The following CSNK2A1 variants were observed in gnomAD, a reference collection of about 807,000 sequenced individuals.
CSNK2A1 encodes the protein casein kinase 2 alpha 1, also known as casein kinase II subunit alpha.
Under a neutral mutation model 62.9 loss-of-function variants are expected in CSNK2A1, and 10 were observed. That is an observed-to-expected ratio of 0.16 (90% CI 0.10 to 0.27). CSNK2A1 has a LOEUF of 0.27. Among genes scored for constraint, CSNK2A1 ranks in the 10% least tolerant of loss-of-function variants. CSNK2A1 has a pLI of 1.00. For synonymous variants in CSNK2A1, 124 were observed against 167.8 expected, an observed-to-expected ratio of 0.74 and a Z score of 2.02; for missense variants, 160 against 492.0, an observed-to-expected ratio of 0.33 and a Z score of 6.38.
At chr20:518,484 C>T (rs1255835400) in intron 2 of CSNK2A1, among the ~76,000 whole-genome samples, 1 of 152,184 alleles carries the variant, frequency 6.6e-6, no homozygotes, top group East Asian at 1.9e-4. Flanking sequence ...GCAAGCTCTC[C>T]ATGGAGGAAA....
Position 505,103 on chromosome 20 carries a change from A to G in CSNK2A1, c.213+15T>C, listed in dbSNP as rs371927255. ...CTATATTCCAAATACCTCTGAAATT[A>G]TCTCTTGTACTCACCTTGAGAATTT... On this transcript the variant is annotated intron_variant, in intron 4 of 13. Coordinates refer to ENST00000217244, the MANE Select transcript of CSNK2A1 (RefSeq NM_177559.3). 3.1e-6 allele frequency: 5 copies of G among 1,588,662 alleles called. No individual in the cohort carries two copies. In the African/African-American group the frequency reaches 4.1e-5, roughly 13 times the overall value.
intron 10 of CSNK2A1, 27 bp from the exon 11 acceptor site, chr20:488,805 A>G (rs372072408): frequency 2.7e-4 from 420 of 1,566,208 alleles, no homozygotes; most frequent in Non-Finnish European, 3.6e-4. Flanking sequence ...ACAAAAACCC[A>G]TATCACAAGC....
At chr20:524,323 C>G (rs902347522) in intron 2 of CSNK2A1, among the ~76,000 whole-genome samples, 1 of 147,728 alleles carries the variant, frequency 6.8e-6, no homozygotes, top group Non-Finnish European at 1.5e-5. Flanking sequence ...CTCTTAGAGG[C>G]TGAGGCAGGG....
intron 1 of CSNK2A1, 190 bp downstream of exon 1, chr20:543,482 G>T (rs2019497786): frequency 1.0e-5 from 4 of 385,352 alleles, no homozygotes; most frequent in Non-Finnish European, 1.8e-5. Context: ...CCTCCGCCCT[G>T]AGGGGTGGCC....
At chr20:527,278 A>C in intron 2 of CSNK2A1, among the ~76,000 whole-genome samples, 1 of 152,246 alleles carries the variant, frequency 6.6e-6, no homozygotes, top group Admixed American at 6.5e-5. Flanking sequence ...CAGGGAGAAA[A>C]AACAAAAACT....
intron 7 of CSNK2A1, among the ~76,000 whole-genome samples, chr20:497,365 C>A (rs1377049058): frequency 6.6e-6 from 1 of 152,108 alleles, no homozygotes; most frequent in Non-Finnish European, 1.5e-5. Flanking sequence ...TCAGGCTGGT[C>A]TTGATCTCCT....
chr20:486,395 G>A lies in CSNK2A1; in HGVS notation c.1041C>T (p.Ser347=), dbSNP rs147882429. The A allele has an allele frequency of 6.2e-7, 1 of 1,613,608 alleles. No individual in the cohort carries two copies. The highest frequency in any genetic ancestry group is 8.5e-7 in the Non-Finnish European group (1 of 1,179,898). ...ACTGACCTGACATCATATTGGCGCT[G>A]CTGACGGGCGTACTGCCCCCTGGCA... is the stretch of plus-strand genomic sequence containing the variant. ...SSMPGGSTPV[S]SANMMSGISS... The change falls in exon 13 of 14, where the codon AGC becomes AGT. Residue 347 remains serine (S), a synonymous_variant. Coordinates refer to ENST00000217244, the MANE Select transcript of CSNK2A1 (RefSeq NM_177559.3).
intron 11 of CSNK2A1, chr20:487,882 A>G: frequency 2.5e-6 from 1 of 403,304 alleles, no homozygotes; most frequent in Non-Finnish European, 4.6e-6. Flanking sequence ...TGAGCTCACC[A>G]GGCCTATTTC....
At chr20:504,881 G>A in intron 4 of CSNK2A1, 1 of 446,458 alleles carries the variant, frequency 2.2e-6, no homozygotes, top group South Asian at 5.3e-5. Context: ...CTGTACCTTT[G>A]CTCCCTTACT....
rs2017790883 is a variant in CSNK2A1, at chr20:473,442, G to A, written c.*10519C>T. On this transcript the variant is annotated 3_prime_UTR_variant, in exon 14 of 14. Coordinates refer to ENST00000217244, the MANE Select transcript of CSNK2A1 (RefSeq NM_177559.3). ...CCCTGCCCAGGGAAAGTTTTGTTTTGTTCCTGTTTCATTCCCCCAGATGCA... is the reference window on the plus strand; with the variant it reads ...CCCTGCCCAGGGAAAGTTTTGTTTTATTCCTGTTTCATTCCCCCAGATGCA... 1 of 152,294 alleles carries A rather than the reference G, an allele frequency of 6.6e-6. No homozygotes were observed. Among genetic ancestry groups the A allele is most frequent in the Admixed American group, 6.6e-5 (1 of 15,246 alleles). 9.4% of individuals were successfully genotyped at this position (152,294 alleles called of 1,614,324 possible).
chr20:527,576 A>C (rs1012296385), intron 2 of CSNK2A1, among the ~76,000 whole-genome samples: 1 of 152,148 alleles, frequency 6.6e-6, no homozygotes, highest in East Asian at 1.9e-4. Context: ...TCTTTCTCCA[A>C]AACAGGCCAA....
intron 2 of CSNK2A1, among the ~76,000 whole-genome samples, chr20:513,716 C>CT (rs1238816866): frequency 3.9e-5 from 6 of 152,136 alleles, no homozygotes; most frequent in Admixed American, 2.6e-4. Flanking sequence ...TGGGAAAAGA[C>CT]TAATAACTAA....
Position 505,668 on chromosome 20 carries a change from A to ATT in CSNK2A1, c.102-441_102-440dup, listed in dbSNP as rs11484480. On this transcript the variant is annotated intron_variant, in intron 3 of 13. Coordinates refer to ENST00000217244, the MANE Select transcript of CSNK2A1 (RefSeq NM_177559.3). Reference sequence around the variant, plus strand: ...TGAGCCACCGCGCCTGGCCCATTGTATTTTTTTTTTTTTTAAATTAGGCCA... The same window carrying ATT: ...TGAGCCACCGCGCCTGGCCCATTGTATTTTTTTTTTTTTTTTAAATTAGGCCA... Among the ~76,000 whole-genome samples, 312 of 142,584 alleles carry ATT rather than the reference A, an allele frequency of 2.2e-3. 1 individual carries two copies. The highest frequency in any genetic ancestry group is 6.7e-3 in the African/African-American group (262 of 39,152). 93.5% of individuals were successfully genotyped at this position (142,584 alleles called of 152,430 possible). A position where few individuals can be genotyped will look rare whatever the true frequency, so the allele number is the denominator to read the frequency against.
rs1339929821 is a variant in CSNK2A1, at chr20:478,275, G to C, written c.*5686C>G. The C allele has an allele frequency of 1.3e-5, 2 of 153,958 alleles. No homozygotes were observed. The highest frequency in any genetic ancestry group is 2.9e-5 in the Non-Finnish European group (2 of 68,868). 9.5% of individuals were successfully genotyped at this position (153,958 alleles called of 1,614,324 possible). On this transcript the variant is annotated 3_prime_UTR_variant, in exon 14 of 14. Coordinates refer to ENST00000217244, the MANE Select transcript of CSNK2A1 (RefSeq NM_177559.3). ...AGAACAAAATGAGGTATACCGTCAG[G>C]TTTGAAGGGTTGAGGGTTATGGAGG...
chr20:519,361 CAAACAAGATCAAT>C (rs1440616477), intron 2 of CSNK2A1, among the ~76,000 whole-genome samples: 1 of 152,130 alleles, frequency 6.6e-6, no homozygotes, highest in African/African-American at 2.4e-5. Flanking sequence ...AAACAATTTC[CAAACAAGATCAAT>C]AAAAAGAAAT....
chr20:508,689 G>A (rs879738187), intron 2 of CSNK2A1, 29 bp from the exon 3 acceptor site: 26 of 712,918 alleles, frequency 3.6e-5, no homozygotes, highest in Non-Finnish European at 5.3e-5. Flanking sequence ...CAAAGTCCAA[G>A]GAATCATTTA....
chr20:516,341 T>G (rs1252673382), intron 2 of CSNK2A1, among the ~76,000 whole-genome samples: 1 of 152,210 alleles, frequency 6.6e-6, no homozygotes, highest in Non-Finnish European at 1.5e-5. Context: ...GCTCAACGTT[T>G]AGCCTAACAG....
intron 2 of CSNK2A1, among the ~76,000 whole-genome samples, chr20:524,520 T>C (rs1359826780): frequency 6.6e-6 from 1 of 150,656 alleles, no homozygotes; most frequent in Non-Finnish European, 1.5e-5. Flanking sequence ...GAGACCAGCC[T>C]GGCCAACACA....
intron 2 of CSNK2A1, among the ~76,000 whole-genome samples, chr20:520,994 T>C (rs1225593974): frequency 6.6e-6 from 1 of 152,080 alleles, no homozygotes; most frequent in Non-Finnish European, 1.5e-5. Context: ...AAAAAAAAGA[T>C]ATAAATGTAA....
Sources: allele counts gnomAD v4.1 joint callset (sites outside exome capture counted in the v4.1 genomes callset), GRCh38; gene constraint gnomAD v4.1.1; transcripts MANE v1.5; gene names NCBI Gene and HGNC (gene_info 2026-07-23, HGNC 2026-07-21).